Variants in C17orf75 observed in about 807,000 individuals in gnomAD.
C17orf75 encodes the protein protein Njmu-R1.
In C17orf75, 32 loss-of-function variants were observed where a neutral mutation model predicts 49.6. That is an observed-to-expected ratio of 0.65 (90% CI 0.49 to 0.87). The LOEUF is 0.87. Among genes scored for constraint, C17orf75 ranks in the 40% least tolerant of loss-of-function variants. C17orf75 has a pLI of 0.00. For synonymous variants in C17orf75, 158 were observed against 159.5 expected (o/e 0.99, Z 0.07); for missense variants, 428 against 473.9 (o/e 0.90, Z 0.90).
chr17:32,338,423 G>T, intron 3 of C17orf75, 72 bp from the exon 4 acceptor site: 2 of 1,426,468 alleles, frequency 1.4e-6, no homozygotes, highest in South Asian at 1.4e-5. Flanking sequence ...GGACTGCTCT[G>T]AATTCTGGTC....
chr17:32,345,522 C>T (rs915726700), upstream of C17orf75, among the ~76,000 whole-genome samples: 3 of 150,056 alleles, frequency 2.0e-5, no homozygotes, highest in Non-Finnish European at 3.0e-5. Context: ...GATTGGACAT[C>T]GAATTCTAGG....
At chr17:32,332,529 C>G (rs1169200586) in intron 9 of C17orf75, among the ~76,000 whole-genome samples, 1 of 152,124 alleles carries the variant, frequency 6.6e-6, no homozygotes, top group Non-Finnish European at 1.5e-5. Flanking sequence ...TTTGGGAGCC[C>G]CAGGCAAAAG....
At chr17:32,336,656 A>T (rs1264930380) in intron 5 of C17orf75, among the ~76,000 whole-genome samples, 1 of 152,230 alleles carries the variant, frequency 6.6e-6, no homozygotes, top group Non-Finnish European at 1.5e-5. Flanking sequence ...TTGGTGCCAG[A>T]GGCTGCATGG....
upstream of C17orf75, chr17:32,344,006 A>C: frequency 1.5e-6 from 1 of 680,324 alleles, no homozygotes; most frequent in Non-Finnish European, 2.7e-6. Flanking sequence ...CGTGGGTTTA[A>C]TCCTGGCACA....
rs1381781575 is a variant in C17orf75 at position 32,334,614 on chromosome 17, C to T, written c.735-9G>A. On this transcript the variant is annotated splice_polypyrimidine_tract_variant and intron_variant, in intron 7 of 9. Transcript: ENST00000577809. The stretch of plus-strand genomic sequence containing the variant: ...TGGCCACACTCAGAAACCTGCCACA[C>T]ACACAAGTCCATTTCCACAAACAAT... 1.2e-6 allele frequency: 2 copies of T among 1,610,636 alleles called. No homozygotes were observed. Among genetic ancestry groups the T allele is most frequent in the South Asian group, 1.1e-5 (1 of 90,634 alleles).
intron 3 of C17orf75, 109 bp from the exon 4 acceptor site, chr17:32,338,460 T>C: frequency 9.2e-7 from 1 of 1,089,938 alleles, no homozygotes; most frequent in Non-Finnish European, 1.3e-6. Context: ...ACCATTAAAC[T>C]GCCCACTAAC....
Position 32,341,377 on chromosome 17 carries a change from A to G in C17orf75, c.141-93T>C, listed in dbSNP as rs905073570. On this transcript the variant is annotated intron_variant, in intron 1 of 9. Transcript: ENST00000577809. Reference sequence around the variant, plus strand: ...GCAAGCAGGGTAAGGCAAGGAGTCAACTAAAAATGCTGCAAGGTGGAAGTG... The same window carrying G: ...GCAAGCAGGGTAAGGCAAGGAGTCAGCTAAAAATGCTGCAAGGTGGAAGTG... 3.0e-5 allele frequency: 38 copies of G among 1,278,268 alleles called. No homozygotes were observed. The Admixed American group carries it at 4.3e-4, about 14-fold the overall frequency. The allele number at this position is 1,278,268 out of a possible 1,614,324, so 79.2% of individuals were successfully genotyped here.
rs768488345 is a variant in C17orf75 at position 32,348,990 on chromosome 17, C to T, written c.-7+952G>A. 2.6e-5 allele frequency among the ~76,000 whole-genome samples: 4 copies of T among 151,660 alleles called. No individual in the cohort carries two copies. The South Asian group carries it at 6.3e-4, about 24-fold the overall frequency. ...AAGTGATTCTCCTGCCTCATTCTCC[C>T]GAGTAGCTGAGGTTACAGGCGCCTG... On this transcript the variant is annotated intron_variant, in intron 1 of 8. Transcript: ENST00000583774.
chr17:32,347,568 C>A (rs753235479), intron 1 of C17orf75, among the ~76,000 whole-genome samples: 3 of 152,144 alleles, frequency 2.0e-5, no homozygotes, highest in Non-Finnish European at 4.4e-5. Context: ...AGGGGTGAGC[C>A]ACCACCACAC....
Position 32,341,217 on chromosome 17 carries a change from C to T in C17orf75, c.208G>A (p.Gly70Ser), listed in dbSNP as rs1323086972. 1.9e-6 allele frequency: 3 copies of T among 1,613,816 alleles called. No homozygotes were observed. Among genetic ancestry groups the T allele is most frequent in the East Asian group, 4.5e-5 (2 of 44,886 alleles). The change falls in exon 2 of 10, where the codon GGT (glycine) becomes AGT (serine). Residue 70 changes from glycine (G) to serine (S), a missense_variant. Coordinates refer to ENST00000577809, the MANE Select transcript of C17orf75 (RefSeq NM_022344.4). Reference sequence around the variant, plus strand: ...AGCTCTTTTTACCTGAAATCATCACCAGAGGGAGTTTCTGCATTTGTGCCA... The same window carrying T: ...AGCTCTTTTTACCTGAAATCATCACTAGAGGGAGTTTCTGCATTTGTGCCA... ...PSGTNAETPS[G>S]DDFSLSLADT... is the part of the protein sequence containing the mutation.
intron 1 of C17orf75, among the ~76,000 whole-genome samples, chr17:32,348,175 G>A (rs531711237): frequency 3.6e-4 from 54 of 151,850 alleles, no homozygotes; most frequent in Admixed American, 9.8e-4. Flanking sequence ...GCCCCACCAC[G>A]CCTGGCTAAT....
upstream of C17orf75, among the ~76,000 whole-genome samples, chr17:32,346,213 A>G (rs777140290): frequency 1.3e-5 from 2 of 152,050 alleles, no homozygotes; most frequent in Non-Finnish European, 2.9e-5. Context: ...TGAGCCCAGG[A>G]GTTCAAGACC....
At chr17:32,342,243 GC>G (rs1229672416), upstream of C17orf75, 6 of 1,372,592 alleles carry the variant, frequency 4.4e-6, no homozygotes, top group Middle Eastern at 5.8e-4. Flanking sequence ...TCGCACACCT[GC>G]GTTCCGCTGG....
rs756245421 is a variant in C17orf75, at chr17:32,339,870, C to T, written c.290G>A (p.Arg97His). Residue 97 changes from arginine (R) to histidine (H), a missense_variant, in exon 3 of 10, where the codon CGT becomes CAT. By Grantham distance (29) the Arg-to-His change is conservative. Coordinates refer to ENST00000577809, the MANE Select transcript of C17orf75 (RefSeq NM_022344.4). ...EPELRSFIAK[R>H]LSRGAVFEGL... ...TTCAAAGACTGCACCTCTTGAAAGA[C>T]GCTTAGCAATGAAACTGCGCAGCTC... 4.3e-5 allele frequency: 69 copies of T among 1,613,910 alleles called. No individual in the cohort carries two copies. The Admixed American group carries it at 6.0e-4, about 14-fold the overall frequency.
At chr17:32,337,373 A>T (rs1232642472) in intron 5 of C17orf75, among the ~76,000 whole-genome samples, 1 of 151,818 alleles carries the variant, frequency 6.6e-6, no homozygotes, top group Non-Finnish European at 1.5e-5. Flanking sequence ...TGAGGCGAGA[A>T]GACTGCTTGA....
At chr17:32,333,089 G>T (rs2041292286) in intron 9 of C17orf75, among the ~76,000 whole-genome samples, 1 of 152,156 alleles carries the variant, frequency 6.6e-6, no homozygotes, top group Admixed American at 6.5e-5. Context: ...GGGATTACAG[G>T]GGTGAGCCAC....
In C17orf75 at chr17:32,329,877, C is replaced by T. The variant is rs545028411; in HGVS notation, c.*1886G>A. Reference sequence around the variant, plus strand: ...TATTTTTTTGAGACAGAGTCTCGCTCTGTCACTCAGGTTGGAATGCAGTGG... The same window carrying T: ...TATTTTTTTGAGACAGAGTCTCGCTTTGTCACTCAGGTTGGAATGCAGTGG... On this transcript the variant is annotated 3_prime_UTR_variant, in exon 10 of 10. Coordinates refer to ENST00000577809, the MANE Select transcript of C17orf75 (RefSeq NM_022344.4). The T allele has an allele frequency of 6.6e-6, 1 of 152,372 alleles. No homozygotes were observed. Among genetic ancestry groups the T allele is most frequent in the African/African-American group, 2.4e-5 (1 of 41,584 alleles). 9.4% of individuals were successfully genotyped at this position (152,372 alleles called of 1,614,324 possible).
In C17orf75 at chr17:32,342,131, G is replaced by T. The variant is rs371617506; in HGVS notation, c.9C>A (p.Pro3=). The change falls in exon 1 of 10, where the codon CCC becomes CCA. Residue 3 remains proline, a synonymous_variant. Coordinates refer to ENST00000577809, the MANE Select transcript of C17orf75 (RefSeq NM_022344.4). ML[P]SLQESMDGDE... ...CTCCATCCATCGACTCCTGCAAAGA[G>T]GGGAGCATTGCGGCGGCCTCTGAGC... 1 of 1,599,218 alleles carries T rather than the reference G, an allele frequency of 6.3e-7. No homozygotes were observed.
chr17:32,336,800 A>G (rs2041330274), intron 5 of C17orf75, among the ~76,000 whole-genome samples: 1 of 152,190 alleles, frequency 6.6e-6, no homozygotes, highest in Non-Finnish European at 1.5e-5. Context: ...CATCAGACGT[A>G]GTCTTGTGAA....
Sources: gnomAD v4.1 joint callset for allele counts (sites outside exome capture counted in the v4.1 genomes callset) on GRCh38, gnomAD v4.1.1 for gene constraint, MANE v1.5 for transcripts, NCBI Gene and HGNC (gene_info 2026-07-23, HGNC 2026-07-21) for gene names.